Variants in MOB3A observed in about 807,000 individuals in gnomAD.
MOB3A encodes the protein MOB kinase activator 3A, also known as MOB LAK.
A neutral mutation model predicts 17.8 loss-of-function variants in MOB3A; 17 were observed. The ratio of observed to expected loss-of-function variants is 0.95; its 90% CI spans 0.65 to 1.43. The LOEUF (loss-of-function observed/expected upper bound fraction) is 1.43, where lower values mean the gene tolerates loss of function less well. MOB3A is among the 40% of genes most tolerant of loss of function. The probability of loss-of-function intolerance (pLI) is 0.00; values close to 1 mark genes in which losing one functional copy is unlikely to be tolerated. For missense variants in MOB3A, 333 were observed against 310.8 expected, an observed-to-expected ratio of 1.07 and a Z score of -0.54; for synonymous variants, 124 against 133.2, an observed-to-expected ratio of 0.93 and a Z score of 0.48.
chr19:2,074,756 C>CA (rs2017382698), intron 4 of MOB3A, among the ~76,000 whole-genome samples: 1 of 151,896 alleles, frequency 6.6e-6, no homozygotes, highest in Admixed American at 6.6e-5. Flanking sequence ...CTTGCTCTGT[C>CA]ACCCAGGCTG....
At chr19:2,095,845 A>C (rs1245456583) in intron 1 of MOB3A, among the ~76,000 whole-genome samples, 1 of 151,538 alleles carries the variant, frequency 6.6e-6, no homozygotes, top group Admixed American at 6.6e-5. Context: ...CCTGGGTTCA[A>C]GTGATTCTCC....
At chr19:2,081,812 AG>A (rs1230830697) in intron 2 of MOB3A, among the ~76,000 whole-genome samples, 1 of 151,998 alleles carries the variant, frequency 6.6e-6, no homozygotes, top group East Asian at 1.9e-4. Flanking sequence ...TGAACCTGGG[AG>A]GCAGAGGTTG....
chr19:2,078,497 A>C lies in MOB3A; in HGVS notation c.64T>G (p.Phe22Val). ...KDKTFRPKRK[F>V]EPGTQRFELH... ...TCGAAGCGCTGGGTGCCTGGCTCAA[A>C]CTTGCGCTTGGGGCGGAATGTCTTG... Residue 22 changes from phenylalanine (F) to valine (V), a missense_variant, in exon 3 of 5, where the codon TTT (phenylalanine) becomes GTT (valine). Transcript: ENST00000357066. The C allele has an allele frequency of 1.2e-6, 2 of 1,606,972 alleles. No individual in the cohort carries two copies. The highest frequency in any genetic ancestry group is 1.7e-6 in the Non-Finnish European group (2 of 1,174,834).
At chr19:2,075,632 G>A (rs370243192) in intron 4 of MOB3A, among the ~76,000 whole-genome samples, 1 of 152,132 alleles carries the variant, frequency 6.6e-6, no homozygotes, top group African/African-American at 2.4e-5. Context: ...CCTGAATCAC[G>A]GGCACCCACT....
chr19:2,081,539 G>C, intron 2 of MOB3A, among the ~76,000 whole-genome samples: 1 of 150,802 alleles, frequency 6.6e-6, no homozygotes. Flanking sequence ...AGTGAGCCGA[G>C]ATCACACCAT....
intron 1 of MOB3A, among the ~76,000 whole-genome samples, chr19:2,095,647 T>G (rs1157943578): frequency 6.6e-6 from 1 of 152,186 alleles, no homozygotes; most frequent in East Asian, 1.9e-4. Context: ...CCGCCCGCGT[T>G]CGCCCCTCCT....
intron 4 of MOB3A, among the ~76,000 whole-genome samples, chr19:2,075,863 C>A (rs978207583): frequency 1.3e-5 from 2 of 152,142 alleles, no homozygotes; most frequent in African/African-American, 4.8e-5. Context: ...TGGCTCCTGT[C>A]TGTCATTCCA....
intron 2 of MOB3A, among the ~76,000 whole-genome samples, chr19:2,083,174 T>C (rs10424965): frequency 0.38 from 58,379 of 151,878 alleles, 13,157 homozygotes; most frequent in African/African-American, 0.63. Flanking sequence ...AAGGAAGGAG[T>C]AATCCCGCAG....
intron 2 of MOB3A, among the ~76,000 whole-genome samples, chr19:2,080,539 A>G (rs766915857): frequency 1.9e-4 from 29 of 151,898 alleles, no homozygotes; most frequent in Non-Finnish European, 3.4e-4. Context: ...AACCACACCC[A>G]GCTAATTTTT....
chr19:2,079,891 G>A (rs2017464636), intron 2 of MOB3A, among the ~76,000 whole-genome samples: 1 of 152,268 alleles, frequency 6.6e-6, no homozygotes, highest in Admixed American at 6.5e-5. Flanking sequence ...GCACGCCTGA[G>A]CGGTGACTTG....
At position 2,082,750 on chromosome 19, in the gene MOB3A, A is replaced by C. The variant is rs1173005090; in HGVS notation, c.-120+2425T>G. Among the ~76,000 whole-genome samples, 2 of 151,942 alleles carry C rather than the reference A, an allele frequency of 1.3e-5. No individual in the cohort carries two copies. The highest frequency in any genetic ancestry group is 1.5e-5 in the Non-Finnish European group (1 of 67,974). ...GATGCTCCAAGTCCAGGGACTGCTG[A>C]CCCATCTTGGTTTTGCTCGGCGGGG... is the stretch of plus-strand genomic sequence containing the variant. On this transcript the variant is annotated intron_variant, in intron 2 of 4. Coordinates refer to ENST00000357066, the MANE Select transcript of MOB3A (RefSeq NM_130807.3). This position sits in a 1 kb window ranked among gnomAD's most constrained non-coding sequence, Gnocchi z 4.1.
Position 2,096,282 on chromosome 19 carries a change from C to T in MOB3A, c.-330G>A, listed in dbSNP as rs1443132990. 1.3e-5 allele frequency: 2 copies of T among 157,884 alleles called. No homozygotes were observed. Among genetic ancestry groups the T allele is most frequent in the South Asian group, 1.5e-4 (1 of 6,574 alleles). The allele number at this position is 157,884 out of a possible 1,614,324, so 9.8% of individuals were successfully genotyped here. On this transcript the variant is annotated 5_prime_UTR_variant, in exon 1 of 5. Transcript: ENST00000357066. ...CCCGGTACCCAACTGGCCGCCTCGG[C>T]CGCCTCAGCCGCCGCACCGCCTCGC... is the stretch of plus-strand genomic sequence containing the variant.
In MOB3A at chr19:2,078,417, G is replaced by A. The variant is rs148429911; in HGVS notation, c.144C>T (p.Ala48=). ...GGTCCTCGCCCGGGGGCAACTGCAC[G>A]GCCAGCCGCAGGTCCAGCCCGGCGT... ...SLNAGLDLRL[A]VQLPPGEDLN... is the part of the protein sequence containing the mutation. Residue 48 remains alanine (A), a synonymous_variant, in exon 3 of 5, where the codon GCC becomes GCT. Transcript: ENST00000357066. 8.3e-4 allele frequency: 1,344 copies of A among 1,613,850 alleles called. No individual in the cohort carries two copies. The highest frequency in any genetic ancestry group is 1.1e-3 in the Non-Finnish European group (1,312 of 1,179,946).
chr19:2,090,960 C>A (rs1290297248), intron 1 of MOB3A, among the ~76,000 whole-genome samples: 1 of 152,282 alleles, frequency 6.6e-6, no homozygotes, highest in Non-Finnish European at 1.5e-5. Flanking sequence ...CCGCGCCCGG[C>A]CAAAATACGT....
Position 2,078,470 on chromosome 19 carries a change from G to C in MOB3A, c.91C>G (p.Leu31Val), listed in dbSNP as rs892602111. The C allele has an allele frequency of 1.2e-6, 2 of 1,611,554 alleles. No homozygotes were observed. Among genetic ancestry groups the C allele is most frequent in the Non-Finnish European group, 8.5e-7 (1 of 1,178,020 alleles). ...AGCGACGCCTGCGCCTTCTTGTGCA[G>C]CTCGAAGCGCTGGGTGCCTGGCTCA... ...KFEPGTQRFE[L>V]HKKAQASLNA... The change falls in exon 3 of 5, where the codon CTG (leucine) becomes GTG (valine). Residue 31 changes from leucine (L) to valine (V), a missense_variant. By Grantham distance (32) the Leu-to-Val change is conservative. Transcript: ENST00000357066.
chr19:2,095,476 C>G (rs2017671830), intron 1 of MOB3A, among the ~76,000 whole-genome samples: 1 of 152,208 alleles, frequency 6.6e-6, no homozygotes, highest in Non-Finnish European at 1.5e-5. Context: ...TCGAAAGGGC[C>G]CGACCGCCGC....
At chr19:2,090,051 A>G (rs370532409) in intron 1 of MOB3A, 1 of 152,342 alleles carries the variant, frequency 6.6e-6, no homozygotes, top group South Asian at 2.1e-4. Context: ...GACTCCACTG[A>G]GGGGATTCTG....
At chr19:2,087,801 C>T (rs988601982) in intron 1 of MOB3A, among the ~76,000 whole-genome samples, 5 of 152,202 alleles carry the variant, frequency 3.3e-5, no homozygotes, top group Admixed American at 6.5e-5. Context: ...CAGGGAGGAA[C>T]GCCCCAAGCT....
rs2017343667 is a variant in MOB3A at position 2,071,993 on chromosome 19, C to G, written c.*1402G>C. ...AGGAGATCAAGACCATCCTGGCTAACACGGTGAAACCCTGTCTCTACTAAA... is the reference window on the plus strand; with the variant it reads ...AGGAGATCAAGACCATCCTGGCTAAGACGGTGAAACCCTGTCTCTACTAAA... On this transcript the variant is annotated 3_prime_UTR_variant, in exon 5 of 5. Transcript: ENST00000357066. 1 of 152,082 alleles carries G rather than the reference C, an allele frequency of 6.6e-6. No individual in the cohort carries two copies. Among genetic ancestry groups the G allele is most frequent in the Non-Finnish European group, 1.5e-5 (1 of 68,092 alleles). The allele number at this position is 152,082 out of a possible 1,614,324, so 9.4% of individuals were successfully genotyped here. A position where few individuals can be genotyped will look rare whatever the true frequency, so the allele number is the denominator to read the frequency against.
Sources: gnomAD v4.1 joint callset for allele counts (sites outside exome capture counted in the v4.1 genomes callset) on GRCh38, gnomAD v4.1.1 for gene constraint, Gnocchi (gnomAD v3.1) non-coding constraint, MANE v1.5 for transcripts, NCBI Gene and HGNC (gene_info 2026-07-23, HGNC 2026-07-21) for gene names.